Variants in ASTN1 observed in about 807,000 individuals in gnomAD.
The protein encoded by ASTN1 is astrotactin-1.
ASTN1 carries 41 observed loss-of-function variants against 140.7 expected under a neutral mutation model. The observed-to-expected ratio is 0.29, with a 90% CI of 0.23 to 0.38. ASTN1 has a LOEUF of 0.38. ASTN1 is among the 10% of genes least tolerant of loss of function. ASTN1 has a pLI of 1.00. For missense variants in ASTN1, 1,479 were observed against 1,678.8 expected (o/e 0.88, Z 2.08); for synonymous variants, 640 against 652.2 (o/e 0.98, Z 0.29).
At chr1:177,041,539 T>G (rs1354773321) in intron 2 of ASTN1, among the ~76,000 whole-genome samples, 1 of 152,216 alleles carries the variant, frequency 6.6e-6, no homozygotes, top group Non-Finnish European at 1.5e-5. Flanking sequence ...AAGCCAAGCA[T>G]GAAGCCAATA....
chr1:176,932,010 A>G (rs556526707), intron 16 of ASTN1, among the ~76,000 whole-genome samples: 1 of 152,352 alleles, frequency 6.6e-6, no homozygotes, highest in South Asian at 2.1e-4. Context: ...TGAGGTCCAG[A>G]TAAGTGATTG....
intron 1 of ASTN1, among the ~76,000 whole-genome samples, chr1:177,134,497 C>T (rs1682088176): frequency 6.6e-6 from 1 of 152,172 alleles, no homozygotes; most frequent in South Asian, 2.1e-4. Flanking sequence ...CACCAACCCA[C>T]TGGAGTGGAC....
rs1163425618 is a variant in ASTN1, at chr1:177,030,831, T to C, written c.987A>G (p.Arg329=). ...TLLSHTSSSQ[R]KRINNKARAG... is the part of the protein sequence containing the mutation. ...CTCTTGCTTTGTTGTTGATCCGCTTTCTCTGGCTGCTGGAGGTGTGAGAGA... is the reference window on the plus strand; with the variant it reads ...CTCTTGCTTTGTTGTTGATCCGCTTCCTCTGGCTGCTGGAGGTGTGAGAGA... Residue 329 remains arginine (R), a synonymous_variant, in exon 4 of 23, where the codon AGA becomes AGG. Coordinates refer to ENST00000361833, the MANE Select transcript of ASTN1 (RefSeq NM_004319.3). 1 of 1,614,022 alleles carries C rather than the reference T, an allele frequency of 6.2e-7. No individual in the cohort carries two copies. The highest frequency in any genetic ancestry group is 2.2e-5 in the East Asian group (1 of 44,898).
At chr1:177,001,344 G>A (rs1674719327) in intron 8 of ASTN1, among the ~76,000 whole-genome samples, 1 of 152,166 alleles carries the variant, frequency 6.6e-6, no homozygotes, top group Non-Finnish European at 1.5e-5. Context: ...AAAGTTCAAA[G>A]AACACAAATG....
chr1:176,904,058 C>T (rs1293740507), intron 16 of ASTN1, among the ~76,000 whole-genome samples: 2 of 152,216 alleles, frequency 1.3e-5, no homozygotes, highest in Non-Finnish European at 2.9e-5. Flanking sequence ...GTCACCTCAT[C>T]TTAATGTAAT....
chr1:176,892,447 T>C (rs1297553916), intron 17 of ASTN1, among the ~76,000 whole-genome samples: 1 of 152,158 alleles, frequency 6.6e-6, no homozygotes, highest in Non-Finnish European at 1.5e-5. Context: ...ATGAGGAAAT[T>C]CTAGGAAGTG....
At chr1:177,048,205 A>G (rs1279054771) in intron 2 of ASTN1, among the ~76,000 whole-genome samples, 1 of 152,172 alleles carries the variant, frequency 6.6e-6, no homozygotes, top group African/African-American at 2.4e-5. Context: ...AGAAAGAGGT[A>G]AAGGCGCTGA....
chr1:176,862,270 G>A lies in ASTN1; in HGVS notation c.*2014C>T, dbSNP rs1667994215. 1.0e-6 allele frequency: 1 copy of A among 985,280 alleles called. No individual in the cohort carries two copies. Among genetic ancestry groups the A allele is most frequent in the African/African-American group, 1.7e-5 (1 of 57,216 alleles). 61.0% of individuals were successfully genotyped at this position (985,280 alleles called of 1,614,324 possible). ...TAGAGAGTTTGAAATAAATCCTTCA[G>A]TGTTTGGAAAGAAGGAGAGAGGAGA... is the stretch of plus-strand genomic sequence containing the variant. On this transcript the variant is annotated 3_prime_UTR_variant, in exon 23 of 23. Transcript: ENST00000361833.
intron 1 of ASTN1, among the ~76,000 whole-genome samples, chr1:177,152,536 A>G (rs902099524): frequency 2.0e-5 from 3 of 152,224 alleles, no homozygotes; most frequent in Non-Finnish European, 4.4e-5. Context: ...ATGAGAAAAA[A>G]AAAAACTTTA....
At chr1:176,898,429 A>G (rs958679807) in intron 16 of ASTN1, among the ~76,000 whole-genome samples, 3 of 152,246 alleles carry the variant, frequency 2.0e-5, no homozygotes, top group African/African-American at 7.2e-5. Context: ...CCAGCAAAGA[A>G]TAGAGATGTG....
intron 1 of ASTN1, among the ~76,000 whole-genome samples, chr1:177,118,426 A>C (rs1047605281): frequency 1.3e-5 from 2 of 151,916 alleles, no homozygotes; most frequent in Non-Finnish European, 2.9e-5. Context: ...GGTGGGCCTC[A>C]CTCTCCCGTG....
chr1:176,866,635 G>T (rs746205395), intron 22 of ASTN1, among the ~76,000 whole-genome samples: 1 of 151,436 alleles, frequency 6.6e-6, no homozygotes, highest in Non-Finnish European at 1.5e-5. Flanking sequence ...CTTCGTTGCT[G>T]CTTTCAGTGC....
intron 18 of ASTN1, among the ~76,000 whole-genome samples, chr1:176,885,430 T>C (rs1668994810): frequency 6.6e-6 from 1 of 152,226 alleles, no homozygotes; most frequent in East Asian, 1.9e-4. Flanking sequence ...TGTATGTGCC[T>C]CAGGTTTCCC....
chr1:176,936,278 C>G lies in ASTN1; in HGVS notation c.2470G>C (p.Ala824Pro). Residue 824 changes from alanine (A) to proline (P), a missense_variant, in exon 15 of 23, where the codon GCC (alanine) becomes CCC (proline). This residue lies in a region of ASTN1 where 746 missense variants were observed against 800.9 expected (regional missense o/e 0.93). Transcript: ENST00000361833. ...CAGCAGTGCTCACCCTGAGAGATGG[C>G]CACTTGGTTGAGTTTGATGTGGTAC... Reference protein sequence around the residue: ...VMYHIKLNQVAISQALSNALH... With the variant: ...VMYHIKLNQVPISQALSNALH... 6.2e-7 allele frequency: 1 copy of G among 1,613,896 alleles called. No individual in the cohort carries two copies. Among genetic ancestry groups the G allele is most frequent in the Non-Finnish European group, 8.5e-7 (1 of 1,179,844 alleles).
At chr1:176,991,738 T>A (rs555510050) in intron 8 of ASTN1, among the ~76,000 whole-genome samples, 2 of 152,320 alleles carry the variant, frequency 1.3e-5, no homozygotes, top group East Asian at 3.9e-4. Flanking sequence ...AGAGACTGAC[T>A]ATCTTGGGTT....
At chr1:177,094,338 G>C (rs1448087194) in intron 1 of ASTN1, among the ~76,000 whole-genome samples, 1 of 152,186 alleles carries the variant, frequency 6.6e-6, no homozygotes, top group African/African-American at 2.4e-5. Flanking sequence ...AATGCCTCAT[G>C]AATATGCACA....
At chr1:177,133,207 A>C (rs1682023952) in intron 1 of ASTN1, among the ~76,000 whole-genome samples, 1 of 152,238 alleles carries the variant, frequency 6.6e-6, no homozygotes, top group Non-Finnish European at 1.5e-5. Flanking sequence ...ATTAGGCAAT[A>C]ATTGTGTGCA....
chr1:176,979,494 C>T (rs1370153309), intron 8 of ASTN1, among the ~76,000 whole-genome samples: 1 of 152,164 alleles, frequency 6.6e-6, no homozygotes, highest in East Asian at 1.9e-4. Flanking sequence ...TCAGGTTAGT[C>T]CACTCCTCCC....
chr1:176,923,126 C>A (rs1272657386), intron 16 of ASTN1, among the ~76,000 whole-genome samples: 1 of 152,122 alleles, frequency 6.6e-6, no homozygotes, highest in Non-Finnish European at 1.5e-5. Flanking sequence ...TAATACTAAA[C>A]CCTTGCTACA....
Sources: allele counts gnomAD v4.1 joint callset (sites outside exome capture counted in the v4.1 genomes callset), GRCh38; gene constraint gnomAD v4.1.1; regional missense constraint gnomAD v4.1.1; transcripts MANE v1.5; gene names NCBI Gene and HGNC (gene_info 2026-07-23, HGNC 2026-07-21).